The following UNC13C variants were observed in gnomAD, a reference collection of about 807,000 sequenced individuals.
The protein encoded by UNC13C is protein unc-13 homolog C.
Under a neutral mutation model 245.4 loss-of-function variants are expected in UNC13C, and 174 were observed. The observed-to-expected ratio is 0.71, with a 90% CI of 0.63 to 0.80. The LOEUF (loss-of-function observed/expected upper bound fraction) is 0.80, where lower values mean the gene tolerates loss of function less well. Ranked by LOEUF, UNC13C falls within the 30% of genes least tolerant of loss-of-function variation. The probability of loss-of-function intolerance (pLI) is 0.00; values close to 1 mark genes in which losing one functional copy is unlikely to be tolerated. For missense variants in UNC13C, 2,829 were observed against 2,602.9 expected (o/e 1.09, Z -1.89); for synonymous variants, 992 against 895.1 (o/e 1.11, Z -1.93).
At chr15:54,196,818 T>C (rs2034367693) in intron 4 of UNC13C, among the ~76,000 whole-genome samples, 1 of 152,156 alleles carries the variant, frequency 6.6e-6, no homozygotes. Context: ...ATGGAAAATA[T>C]CTTAACCCGA....
chr15:54,069,625 G>A (rs1005176254), intron 2 of UNC13C, among the ~76,000 whole-genome samples: 1 of 152,082 alleles, frequency 6.6e-6, no homozygotes, highest in African/African-American at 2.4e-5. Flanking sequence ...AACTTGTCAT[G>A]GGCCATGTAC....
At chr15:54,454,585 A>C (rs1482896879) in intron 19 of UNC13C, among the ~76,000 whole-genome samples, 2 of 150,924 alleles carry the variant, frequency 1.3e-5, no homozygotes, top group Non-Finnish European at 3.0e-5. Context: ...AAAAAAAACA[A>C]CAATAACTCC....
At chr15:54,085,527 T>A (rs543601247) in intron 2 of UNC13C, among the ~76,000 whole-genome samples, 1 of 152,308 alleles carries the variant, frequency 6.6e-6, no homozygotes, top group Non-Finnish European at 1.5e-5. Flanking sequence ...AGAAGCCTAG[T>A]AGAAACAAAT....
At chr15:54,020,399 C>A (rs1418862775) in intron 2 of UNC13C, among the ~76,000 whole-genome samples, 2 of 150,000 alleles carry the variant, frequency 1.3e-5, no homozygotes, top group Admixed American at 6.6e-5. Flanking sequence ...CTCAGCCTCC[C>A]GAGTAGCTGA....
chr15:54,063,068 G>T (rs968230023), intron 2 of UNC13C, among the ~76,000 whole-genome samples: 8 of 152,130 alleles, frequency 5.3e-5, no homozygotes, highest in African/African-American at 1.2e-4. Context: ...GTGGTATTTG[G>T]TTTTTTTCCT....
chr15:54,457,019 A>T (rs571263842), intron 19 of UNC13C, among the ~76,000 whole-genome samples: 53 of 152,234 alleles, frequency 3.5e-4, no homozygotes, highest in South Asian at 2.1e-3. Context: ...GTGGTTTGTC[A>T]TAGATGGTTT....
In UNC13C at chr15:54,012,706, G is replaced by T. The variant is rs1384517904; in HGVS notation, c.-198G>T. Among the ~76,000 whole-genome samples, 1 of 152,204 alleles carries T rather than the reference G, an allele frequency of 6.6e-6. No homozygotes were observed. The highest frequency in any genetic ancestry group is 2.4e-5 in the African/African-American group (1 of 41,456). ...TTCATGAAACCCCTCCTCCAGGAAA[G>T]AATGTCTTTCACAGATGGAGCTTTG... On this transcript the variant is annotated 5_prime_UTR_variant, in exon 2 of 33. Coordinates refer to ENST00000260323, the MANE Select transcript of UNC13C (RefSeq NM_001080534.3).
intron 4 of UNC13C, among the ~76,000 whole-genome samples, chr15:54,217,080 G>GTCTGGAACAATTAGTACTGAGGA (rs2035064749): frequency 6.6e-6 from 1 of 152,024 alleles, no homozygotes; most frequent in African/African-American, 2.4e-5. Flanking sequence ...AGATGTGAGA[G>GTCTGGAACAATTAGTACTGAGGA]TCTGGAACAA....
intron 12 of UNC13C, 64 bp downstream of exon 12, chr15:54,297,990 C>T: frequency 8.7e-7 from 1 of 1,155,190 alleles, no homozygotes; most frequent in Non-Finnish European, 1.2e-6. Flanking sequence ...GATTATAAAA[C>T]AGAATATTTG....
chr15:54,235,252 A>C, intron 5 of UNC13C, 144 bp downstream of exon 5: 1 of 570,276 alleles, frequency 1.8e-6, no homozygotes, highest in Non-Finnish European at 3.0e-6. Context: ...CTGCTGTTAT[A>C]TTTATTATTA....
chr15:54,627,955 C>G lies in UNC13C; in HGVS notation c.*842C>G, dbSNP rs1234909798. On this transcript the variant is annotated 3_prime_UTR_variant, in exon 33 of 33. Transcript: ENST00000260323. ...TATATTGTTAATATCTTCCCTCTGA[C>G]AGTTATGACTCTATAATCAGTTCAA... 6.6e-6 allele frequency: 1 copy of G among 152,492 alleles called. No homozygotes were observed. Among genetic ancestry groups the G allele is most frequent in the Admixed American group, 6.6e-5 (1 of 15,244 alleles). 9.4% of individuals were successfully genotyped at this position (152,492 alleles called of 1,614,324 possible). A position where few individuals can be genotyped will look rare whatever the true frequency, so the allele number is the denominator to read the frequency against.
chr15:53,918,601 T>C, the UNC13C span, among the ~76,000 whole-genome samples: 1 of 152,238 alleles, frequency 6.6e-6, no homozygotes, highest in Non-Finnish European at 1.5e-5. Flanking sequence ...GCACAGGGAC[T>C]GTCCCCGTTC....
intron 4 of UNC13C, among the ~76,000 whole-genome samples, chr15:54,192,898 C>CCACACACACA (rs71436273): frequency 6.8e-6 from 1 of 148,128 alleles, no homozygotes; most frequent in Non-Finnish European, 1.5e-5. Context: ...TTTCTCTGTG[C>CCACACACACA]CACACACACA....
chr15:53,849,846 G>T, the UNC13C span, among the ~76,000 whole-genome samples: 1 of 152,202 alleles, frequency 6.6e-6, no homozygotes, highest in African/African-American at 2.4e-5. Flanking sequence ...CACTGTAAAA[G>T]GCCAAGAAGA....
At chr15:54,503,675 A>G (rs1042399656) in intron 22 of UNC13C, among the ~76,000 whole-genome samples, 1 of 152,018 alleles carries the variant, frequency 6.6e-6, no homozygotes, top group East Asian at 1.9e-4. Flanking sequence ...CAGCATTTCT[A>G]TCTATAATTT....
At chr15:53,934,462 G>T in the UNC13C span, among the ~76,000 whole-genome samples, 2 of 152,130 alleles carry the variant, frequency 1.3e-5, no homozygotes, top group South Asian at 4.1e-4. Flanking sequence ...TGTTTGCCGA[G>T]TGCGTGAATA....
chr15:54,350,428 A>G (rs1386636733), intron 17 of UNC13C, among the ~76,000 whole-genome samples: 2 of 152,234 alleles, frequency 1.3e-5, no homozygotes, highest in African/African-American at 4.8e-5. Flanking sequence ...GTAATTAGAA[A>G]GAAATAGAAA....
chr15:54,355,707 T>C (rs1448897456), intron 17 of UNC13C, among the ~76,000 whole-genome samples: 1 of 152,130 alleles, frequency 6.6e-6, no homozygotes. Context: ...TTTGTTAATA[T>C]ATTTCTCAGG....
chr15:54,068,027 GT>G, intron 2 of UNC13C, among the ~76,000 whole-genome samples: 1 of 152,244 alleles, frequency 6.6e-6, no homozygotes, highest in East Asian at 1.9e-4. Context: ...AGCAGTCTCT[GT>G]CATTTTCCTA....
Sources: gnomAD v4.1 joint callset for allele counts (sites outside exome capture counted in the v4.1 genomes callset) on GRCh38, gnomAD v4.1.1 for gene constraint, MANE v1.5 for transcripts, NCBI Gene and HGNC (gene_info 2026-07-23, HGNC 2026-07-21) for gene names.